RET: variants seen among roughly 807,000 people sequenced by gnomAD.
RET encodes ret proto-oncogene.
Under a neutral mutation model 118.3 loss-of-function variants are expected in RET, and 19 were observed. The observed-to-expected ratio is 0.16, with a 90% CI of 0.11 to 0.24. The LOEUF (loss-of-function observed/expected upper bound fraction) is 0.24. Among genes scored for constraint, RET ranks in the 10% least tolerant of loss-of-function variants. The pLI, the probability that RET is intolerant of heterozygous loss-of-function variation, is 1.00. For missense variants in RET, 1,219 were observed against 1,502.1 expected (o/e 0.81, Z 3.12); for synonymous variants, 597 against 644.1 (o/e 0.93, Z 1.11).
chr10:43,099,188 G>T (rs1814785783), intron 1 of RET, among the ~76,000 whole-genome samples: 1 of 152,088 alleles, frequency 6.6e-6, no homozygotes, highest in Non-Finnish European at 1.5e-5. Context: ...CGCCTTCAGT[G>T]ATTCATTTTT....
At chr10:43,077,412 G>T in intron 1 of RET, 81 bp downstream of exon 1, 1 of 1,438,126 alleles carries the variant, frequency 7.0e-7, no homozygotes, top group Non-Finnish European at 9.2e-7. Flanking sequence ...GTTCAGAAGC[G>T]CCTTTCTGTT....
In RET at chr10:43,129,528, C is replaced by G. The variant is rs982455243; in HGVS notation, c.*1259C>G. On this transcript the variant is annotated 3_prime_UTR_variant, in exon 20 of 20. Transcript: ENST00000355710. ...TGTTTGTGGTCACAGATGCACAACA[C>G]TCCTCCAGTCTTGTGGGGGCAGCTT... is the stretch of plus-strand genomic sequence containing the variant. 1 of 236,508 alleles carries G rather than the reference C, an allele frequency of 4.2e-6. No homozygotes were observed. The highest frequency in any genetic ancestry group is 8.3e-6 in the Non-Finnish European group (1 of 120,264). The allele number at this position is 236,508 out of a possible 1,614,324, so 14.7% of individuals were successfully genotyped here. A position where few individuals can be genotyped will look rare whatever the true frequency, so the allele number is the denominator to read the frequency against.
chr10:43,114,839 C>T lies in RET; in HGVS notation c.2136+103C>T, dbSNP rs2132858005. On this transcript the variant is annotated intron_variant, in intron 11 of 19. Transcript: ENST00000355710. The surrounding 1 kb of genome is among the most constrained non-coding windows in gnomAD (Gnocchi z 4.6). Reference sequence around the variant, plus strand: ...CAGAGGCCATCCTGTGAGGGGCTGCCAACGCTGGGCAGACGAGGCCTGTGT... The same window carrying T: ...CAGAGGCCATCCTGTGAGGGGCTGCTAACGCTGGGCAGACGAGGCCTGTGT... The T allele has an allele frequency of 2.4e-6, 3 of 1,258,012 alleles. No homozygotes were observed. Among genetic ancestry groups the T allele is most frequent in the African/African-American group, 1.5e-5 (1 of 66,428 alleles). 77.9% of individuals were successfully genotyped at this position (1,258,012 alleles called of 1,614,324 possible).
At chr10:43,091,822 CA>C (rs60545334) in intron 1 of RET, among the ~76,000 whole-genome samples, 39,065 of 114,444 alleles carry the variant, frequency 0.34, 5,784 homozygotes, top group African/African-American at 0.48. Context: ...TGTCTACTAT[CA>C]AAAAAAAAAA....
intron 12 of RET, 45 bp downstream of exon 12, chr10:43,116,776 GGC>G: frequency 7.6e-7 from 1 of 1,322,474 alleles, no homozygotes; most frequent in Non-Finnish European, 1.1e-6. Flanking sequence ...GAGTCTCCGG[GGC>G]GGGGGGCGGG....
chr10:43,125,318 C>T (rs1016283127), intron 18 of RET, among the ~76,000 whole-genome samples: 6 of 152,144 alleles, frequency 3.9e-5, no homozygotes, highest in African/African-American at 1.4e-4. Flanking sequence ...AAGCAAGTGC[C>T]CAAAATTCAG....
intron 1 of RET, among the ~76,000 whole-genome samples, chr10:43,094,761 A>G (rs1203515720): frequency 3.3e-5 from 5 of 152,364 alleles, no homozygotes; most frequent in African/African-American, 7.2e-5. Context: ...GAAAGCGGGT[A>G]TATACCAGTA....
At chr10:43,095,452 C>T (rs540507093) in intron 1 of RET, among the ~76,000 whole-genome samples, 5 of 152,194 alleles carry the variant, frequency 3.3e-5, no homozygotes, top group Admixed American at 1.3e-4. Flanking sequence ...GCTCCAGGCC[C>T]GCCTGGGCAT....
At chr10:43,126,478 C>A in intron 18 of RET, 97 bp from the exon 19 acceptor site, 1 of 1,110,996 alleles carries the variant, frequency 9.0e-7, no homozygotes, top group Non-Finnish European at 1.4e-6. Context: ...GGTGGAGACA[C>A]AGCCAGAGCC....
At chr10:43,083,676 G>A (rs1260772201) in intron 1 of RET, among the ~76,000 whole-genome samples, 1 of 152,244 alleles carries the variant, frequency 6.6e-6, no homozygotes, top group Non-Finnish European at 1.5e-5. Context: ...CTGCCTACCA[G>A]CTCTCCATCC....
chr10:43,123,904 A>G, intron 17 of RET, 96 bp downstream of exon 17: 1 of 1,581,292 alleles, frequency 6.3e-7, no homozygotes, highest in Non-Finnish European at 8.6e-7. Flanking sequence ...AGGAGAAACC[A>G]GGAGAAGTGG....
rs1309309637 is a variant in RET at position 43,129,258 on chromosome 10, T to C, written c.*989T>C. 1 of 233,418 alleles carries C rather than the reference T, an allele frequency of 4.3e-6. No homozygotes were observed. Among genetic ancestry groups the C allele is most frequent in the Non-Finnish European group, 8.5e-6 (1 of 118,014 alleles). The allele number at this position is 233,418 out of a possible 1,614,324, so 14.5% of individuals were successfully genotyped here. ...TGTACTCACTTTAATTTGAATCTTA[T>C]CAACTTACTCATAAAGGGACAGGCT... is the stretch of plus-strand genomic sequence containing the variant. On this transcript the variant is annotated 3_prime_UTR_variant, in exon 20 of 20. Transcript: ENST00000355710.
In RET at chr10:43,118,299, A is replaced by G. The variant is rs1838119756; in HGVS notation, c.2285-74A>G. 2.5e-6 allele frequency: 3 copies of G among 1,191,786 alleles called. No homozygotes were observed. The East Asian group carries it at 7.3e-5, about 29-fold the overall frequency. The allele number at this position is 1,191,786 out of a possible 1,614,324, so 73.8% of individuals were successfully genotyped here. A position where few individuals can be genotyped will look rare whatever the true frequency, so the allele number is the denominator to read the frequency against. On this transcript the variant is annotated intron_variant, in intron 12 of 19. Coordinates refer to ENST00000355710, the MANE Select transcript of RET (RefSeq NM_020975.6). The stretch of plus-strand genomic sequence containing the variant: ...AACTTGGGCAAGGCGATGCAGGTCC[A>G]TCCTGACCTGGTATGGTCATGGAAG...
intron 1 of RET, among the ~76,000 whole-genome samples, chr10:43,080,870 TC>T (rs1297576500): frequency 2.0e-5 from 3 of 152,194 alleles, no homozygotes; most frequent in African/African-American, 7.2e-5. Context: ...GTGCAGATGT[TC>T]GGCTGGGACA....
At chr10:43,127,010 G>A (rs1813801494) in intron 19 of RET, 1 of 1,334,862 alleles carries the variant, frequency 7.5e-7, no homozygotes, top group Non-Finnish European at 9.6e-7. Context: ...GGGAGACCAA[G>A]AACAGGTTGA....
rs2472737 is a variant in RET, at chr10:43,120,057, G to A, written c.2608-24G>A. The A allele has an allele frequency of 0.22, 350,193 of 1,611,680 alleles. 39,224 individuals are homozygous for A. Among genetic ancestry groups the A allele is most frequent in the Non-Finnish European group, 0.23 (269,317 of 1,179,066 alleles). ...CGCTGCTGCCTGGCCATGGCCTGAC[G>A]ACTCGTGCTATTTTTCCTCACAGCT... On this transcript the variant is annotated intron_variant, in intron 14 of 19. Coordinates refer to ENST00000355710, the MANE Select transcript of RET (RefSeq NM_020975.6).
At position 43,077,192 on chromosome 10, in the gene RET, A is replaced by G; in HGVS notation, c.-67A>G. On this transcript the variant is annotated 5_prime_UTR_variant, in exon 1 of 20. Coordinates refer to ENST00000355710, the MANE Select transcript of RET (RefSeq NM_020975.6). ...ATGGGGCGGCCAGACTGAGCGCCGC[A>G]CCCGCCATCCAGACCCGCCGGCCCT... is the stretch of plus-strand genomic sequence containing the variant. 1.4e-6 allele frequency: 2 copies of G among 1,408,960 alleles called. No homozygotes were observed. Among genetic ancestry groups the G allele is most frequent in the South Asian group, 2.9e-5 (2 of 69,178 alleles). 87.3% of individuals were successfully genotyped at this position (1,408,960 alleles called of 1,614,324 possible).
chr10:43,086,020 C>T (rs1382777223), intron 1 of RET, among the ~76,000 whole-genome samples: 2 of 152,182 alleles, frequency 1.3e-5, no homozygotes, highest in African/African-American at 2.4e-5. Context: ...TGTCCTCTCT[C>T]CAGGGAGAGC....
At position 43,112,109 on chromosome 10, in the gene RET, G is replaced by C; in HGVS notation, c.1533G>C (p.Glu511Asp). 1 of 1,602,282 alleles carries C rather than the reference G, an allele frequency of 6.2e-7. No individual in the cohort carries two copies. The change falls in exon 8 of 20, where the codon GAG (glutamate) becomes GAC (aspartate). Residue 511 changes from glutamate (E) to aspartate (D), a missense_variant. Transcript: ENST00000355710. ...GTCTGCCACCTGCAGATGTGGCCGA[G>C]GAGGCGGGCTGCCCCCTGTCCTGTG... is the stretch of plus-strand genomic sequence containing the variant. Reference protein sequence around the residue: ...LVTVEGSYVAEEAGCPLSCAV... With the variant: ...LVTVEGSYVADEAGCPLSCAV...
Sources: gnomAD v4.1 joint callset for allele counts (sites outside exome capture counted in the v4.1 genomes callset) on GRCh38, gnomAD v4.1.1 for gene constraint, Gnocchi (gnomAD v3.1) non-coding constraint, MANE v1.5 for transcripts, NCBI Gene and HGNC (gene_info 2026-07-23, HGNC 2026-07-21) for gene names.